Variants in ULK2 observed in about 807,000 individuals in gnomAD.
The protein encoded by ULK2 is serine/threonine-protein kinase ULK2.
Under a neutral mutation model 127.5 loss-of-function variants are expected in ULK2, and 76 were observed. The ratio of observed to expected loss-of-function variants is 0.60; its 90% CI spans 0.50 to 0.72. The LOEUF is 0.72. Ranked by LOEUF, ULK2 falls within the 30% of genes least tolerant of loss-of-function variation. The pLI is 0.00. For missense variants in ULK2, 1,144 were observed against 1,295.9 expected (o/e 0.88, Z 1.80); for synonymous variants, 452 against 461.9 (o/e 0.98, Z 0.28).
intron 12 of ULK2, among the ~76,000 whole-genome samples, chr17:19,822,701 T>A (rs1008294932): frequency 2.6e-5 from 4 of 151,714 alleles, no homozygotes; most frequent in East Asian, 1.9e-4. Context: ...TGTTTTTTTT[T>A]ATTGAGATGG....
At chr17:19,859,326 C>A (rs2042195968) in intron 3 of ULK2, among the ~76,000 whole-genome samples, 1 of 151,972 alleles carries the variant, frequency 6.6e-6, no homozygotes, top group Non-Finnish European at 1.5e-5. Flanking sequence ...CCAGCCTGGG[C>A]AACAAGGTGA....
At chr17:19,863,324 C>T (rs2042282453) in intron 3 of ULK2, among the ~76,000 whole-genome samples, 1 of 151,816 alleles carries the variant, frequency 6.6e-6, no homozygotes, top group South Asian at 2.1e-4. Context: ...TATACATTTA[C>T]CTTACCCGAA....
intron 3 of ULK2, among the ~76,000 whole-genome samples, chr17:19,860,249 T>C (rs1437221249): frequency 1.4e-4 from 21 of 152,230 alleles, no homozygotes; most frequent in Non-Finnish European, 4.4e-5. Flanking sequence ...TATATTACTT[T>C]TGGAATTAGT....
Position 19,846,923 on chromosome 17 carries a change from G to T in ULK2, c.296-13C>A. On this transcript the variant is annotated splice_polypyrimidine_tract_variant and intron_variant, in intron 5 of 26. Transcript: ENST00000395544. ...AGAGTCCCTTTCGCTGGTACAAAAG[G>T]AGTCACGTAAATATTTAAGCACACA... 3 of 1,595,872 alleles carry T rather than the reference G, an allele frequency of 1.9e-6. No individual in the cohort carries two copies. The highest frequency in any genetic ancestry group is 2.6e-6 in the Non-Finnish European group (3 of 1,171,260).
At position 19,843,153 on chromosome 17, in the gene ULK2, A is replaced by G; in HGVS notation, c.613T>C (p.Tyr205His). The G allele has an allele frequency of 2.5e-6, 4 of 1,613,634 alleles. No individual in the cohort carries two copies. Among genetic ancestry groups the G allele is most frequent in the Admixed American group, 1.7e-5 (1 of 59,874 alleles). Residue 205 changes from tyrosine to histidine, a missense_variant, in exon 8 of 27, where the codon TAC (tyrosine) becomes CAC (histidine). Transcript: ENST00000395544. ...GGTGGTTTTCCAACTAGGCATTGGTATATCACTGTTCCTATGCTCCACAAG... is the reference window on the plus strand; with the variant it reads ...GGTGGTTTTCCAACTAGGCATTGGTGTATCACTGTTCCTATGCTCCACAAG... ...ADLWSIGTVI[Y>H]QCLVGKPPFQ...
At chr17:19,866,667 C>T (rs2042357107) in intron 1 of ULK2, among the ~76,000 whole-genome samples, 1 of 152,212 alleles carries the variant, frequency 6.6e-6, no homozygotes, top group South Asian at 2.1e-4. Context: ...TCTTTAGATT[C>T]TAAAACCTCG....
intron 7 of ULK2, among the ~76,000 whole-genome samples, chr17:19,843,570 G>A (rs768303910): frequency 1.3e-5 from 2 of 151,900 alleles, no homozygotes; most frequent in African/African-American, 4.8e-5. Flanking sequence ...ATAGGACAGA[G>A]GTTCCCTCAG....
chr17:19,839,254 C>G (rs1432569733), intron 9 of ULK2, among the ~76,000 whole-genome samples: 2 of 152,022 alleles, frequency 1.3e-5, no homozygotes, highest in African/African-American at 4.8e-5. Flanking sequence ...TGGAAAAGGG[C>G]AGCACTTAAA....
chr17:19,831,526 T>TA (rs954076581), intron 10 of ULK2, among the ~76,000 whole-genome samples: 2 of 152,176 alleles, frequency 1.3e-5, no homozygotes, highest in South Asian at 2.1e-4. Flanking sequence ...ACACCTCCTT[T>TA]AAAAAAGAAG....
At chr17:19,792,968 AATAAAC>A in intron 20 of ULK2, among the ~76,000 whole-genome samples, 1 of 152,282 alleles carries the variant, frequency 6.6e-6, no homozygotes, top group Middle Eastern at 3.4e-3. Context: ...AGAGTCCAGA[AATAAAC>A]ATATTTATAG....
intron 12 of ULK2, among the ~76,000 whole-genome samples, chr17:19,824,667 A>G (rs905729404): frequency 6.6e-6 from 1 of 152,122 alleles, no homozygotes; most frequent in African/African-American, 2.4e-5. Context: ...TAAGTCAGTG[A>G]AATCTGGCTC....
chr17:19,779,281 A>G (rs1029433276), intron 25 of ULK2, among the ~76,000 whole-genome samples: 1 of 152,186 alleles, frequency 6.6e-6, no homozygotes, highest in Non-Finnish European at 1.5e-5. Context: ...CTATAATCCC[A>G]GCACTTTGGG....
Position 19,780,619 on chromosome 17 carries a change from A to G in ULK2, c.2769T>C (p.Asn923=). 4 of 1,602,094 alleles carry G rather than the reference A, an allele frequency of 2.5e-6. No homozygotes were observed. Among genetic ancestry groups the G allele is most frequent in the Non-Finnish European group, 3.4e-6 (4 of 1,175,994 alleles). The change falls in exon 25 of 27, where the codon AAT becomes AAC. Residue 923 remains asparagine, a synonymous_variant. Coordinates refer to ENST00000395544, the MANE Select transcript of ULK2 (RefSeq NM_014683.4). The part of the protein sequence containing the change: ...PSTAVKQVVK[N]LNERYKFCIT... ...TGCAGAATTTATATCGTTCGTTCAG[A>G]TTCTTGACAACTGAAAAAAAATTGA... is the stretch of plus-strand genomic sequence containing the variant.
chr17:19,786,139 G>A, intron 20 of ULK2, 53 bp from the exon 21 acceptor site: 1 of 1,510,644 alleles, frequency 6.6e-7, no homozygotes, highest in African/African-American at 1.5e-5. Flanking sequence ...GTTTATATCT[G>A]GGAGATGGGA....
In ULK2 at chr17:19,867,432, G is replaced by A. The variant is rs368856105; in HGVS notation, c.-15C>T. ...ACCACCTCCATGGCCGCGCCCCCGG[G>A]GCACACAGCGGACGGGCGGGCGGCG... On this transcript the variant is annotated 5_prime_UTR_variant, in exon 1 of 27. Coordinates refer to ENST00000395544, the MANE Select transcript of ULK2 (RefSeq NM_014683.4). 1.6e-4 allele frequency: 259 copies of A among 1,584,776 alleles called. No homozygotes were observed. In the African/African-American group the frequency reaches 3.2e-3, roughly 20 times the overall value.
intron 25 of ULK2, among the ~76,000 whole-genome samples, chr17:19,779,300 G>A (rs572300843): frequency 6.6e-6 from 1 of 152,044 alleles, no homozygotes; most frequent in Non-Finnish European, 1.5e-5. Context: ...GGAGGCCGAG[G>A]TGGGTGGATC....
At chr17:19,788,237 T>TC (rs2087077663) in intron 20 of ULK2, among the ~76,000 whole-genome samples, 1 of 152,010 alleles carries the variant, frequency 6.6e-6, no homozygotes, top group African/African-American at 2.4e-5. Flanking sequence ...AGACAGGGCT[T>TC]CTAAGGGAGT....
At chr17:19,777,313 C>T (rs1279285624) in intron 26 of ULK2, among the ~76,000 whole-genome samples, 2 of 152,174 alleles carry the variant, frequency 1.3e-5, no homozygotes, top group East Asian at 1.9e-4. Context: ...CTATGTTGGC[C>T]GGGCTGGTCT....
chr17:19,795,470 T>C, intron 20 of ULK2, 152 bp downstream of exon 20: 4 of 644,864 alleles, frequency 6.2e-6, no homozygotes, highest in Non-Finnish European at 1.1e-5. Flanking sequence ...AGAAGGAAGA[T>C]GAGAGGATAG....
Sources: allele counts gnomAD v4.1 joint callset (sites outside exome capture counted in the v4.1 genomes callset), GRCh38; gene constraint gnomAD v4.1.1; transcripts MANE v1.5; gene names NCBI Gene and HGNC (gene_info 2026-07-23, HGNC 2026-07-21).